SEMA5A: variants seen among roughly 807,000 people sequenced by gnomAD.
SEMA5A encodes semaphorin 5A.
A neutral mutation model predicts 135.5 loss-of-function variants in SEMA5A; 55 were observed. The ratio of observed to expected loss-of-function variants is 0.41; its 90% CI spans 0.33 to 0.51. SEMA5A has a LOEUF of 0.51. Among genes scored for constraint, SEMA5A ranks in the 20% least tolerant of loss-of-function variants. The pLI is 0.37. For missense variants in SEMA5A, 1,290 were observed against 1,419.9 expected (o/e 0.91, Z 1.47); for synonymous variants, 580 against 546.5 (o/e 1.06, Z -0.85).
intron 5 of SEMA5A, among the ~76,000 whole-genome samples, chr5:9,275,051 A>G (rs1052090849): frequency 3.9e-5 from 6 of 152,148 alleles, no homozygotes; most frequent in African/African-American, 1.4e-4. Context: ...GAGCTGGTTT[A>G]TTGAAAAGAT....
chr5:9,318,343 AAAGC>A, intron 5 of SEMA5A, 25 bp downstream of exon 5: 1 of 1,601,382 alleles, frequency 6.2e-7, no homozygotes, highest in Non-Finnish European at 8.5e-7. Context: ...ATGGAAAATG[AAAGC>A]TTGAGAAAAA....
intron 2 of SEMA5A, among the ~76,000 whole-genome samples, chr5:9,404,183 C>A (rs942528754): frequency 3.3e-5 from 5 of 152,196 alleles, no homozygotes; most frequent in Non-Finnish European, 5.9e-5. Context: ...ATCTGCCTAC[C>A]TCAGCCTCTC....
intron 3 of SEMA5A, among the ~76,000 whole-genome samples, chr5:9,346,197 T>C (rs1281252672): frequency 6.6e-6 from 1 of 152,140 alleles, no homozygotes; most frequent in Non-Finnish European, 1.5e-5. Context: ...TGGCTTGACT[T>C]CAGAGGGACA....
chr5:9,077,549 T>A (rs1738134859), intron 16 of SEMA5A, among the ~76,000 whole-genome samples: 1 of 152,228 alleles, frequency 6.6e-6, no homozygotes, highest in Non-Finnish European at 1.5e-5. Context: ...AGTAACTGAA[T>A]TTCTGCAGGT....
At chr5:9,298,897 A>G (rs1751467564) in intron 5 of SEMA5A, among the ~76,000 whole-genome samples, 1 of 152,206 alleles carries the variant, frequency 6.6e-6, no homozygotes, top group Admixed American at 6.5e-5. Flanking sequence ...TTCAGTAATG[A>G]ACTCTCACAG....
At chr5:9,095,923 C>A (rs1739287980) in intron 16 of SEMA5A, among the ~76,000 whole-genome samples, 1 of 152,158 alleles carries the variant, frequency 6.6e-6, no homozygotes, top group Non-Finnish European at 1.5e-5. Flanking sequence ...GTTCATTGAA[C>A]ATTGGTATTA....
chr5:9,416,879 C>T (rs1374950916), intron 2 of SEMA5A, among the ~76,000 whole-genome samples: 3 of 152,068 alleles, frequency 2.0e-5, no homozygotes, highest in South Asian at 2.1e-4. Context: ...AGGGATTATC[C>T]GGTGCAAATT....
intron 5 of SEMA5A, among the ~76,000 whole-genome samples, chr5:9,302,570 G>T (rs1183571925): frequency 1.3e-5 from 2 of 152,124 alleles, no homozygotes; most frequent in African/African-American, 4.8e-5. Context: ...CATGAACCTG[G>T]ATAATTCACA....
chr5:9,533,187 T>C (rs1737554519), intron 1 of SEMA5A, among the ~76,000 whole-genome samples: 1 of 152,232 alleles, frequency 6.6e-6, no homozygotes, highest in African/African-American at 2.4e-5. Flanking sequence ...TTTTGGATCA[T>C]TGGAAATATT....
chr5:9,097,839 G>A (rs1374532590), intron 16 of SEMA5A, among the ~76,000 whole-genome samples: 1 of 152,190 alleles, frequency 6.6e-6, no homozygotes, highest in Non-Finnish European at 1.5e-5. Context: ...GAATACAAGA[G>A]CCCAGCCTTG....
At chr5:9,438,505 C>T (rs1006698034) in intron 1 of SEMA5A, among the ~76,000 whole-genome samples, 1 of 152,098 alleles carries the variant, frequency 6.6e-6, no homozygotes, top group Non-Finnish European at 1.5e-5. Context: ...GAAAGATGAC[C>T]ACGAAACGCC....
intron 16 of SEMA5A, among the ~76,000 whole-genome samples, chr5:9,092,831 C>T (rs1414678790): frequency 1.3e-5 from 2 of 152,108 alleles, no homozygotes; most frequent in East Asian, 1.9e-4. Context: ...TCCCAAATTG[C>T]CATTACCTTT....
At chr5:9,336,939 C>T (rs1340589683) in intron 4 of SEMA5A, among the ~76,000 whole-genome samples, 2 of 152,184 alleles carry the variant, frequency 1.3e-5, no homozygotes, top group Non-Finnish European at 2.9e-5. Flanking sequence ...CAAATGGACC[C>T]TTTCTTAAAC....
At chr5:9,316,812 C>G (rs1478033636) in intron 5 of SEMA5A, among the ~76,000 whole-genome samples, 1 of 152,126 alleles carries the variant, frequency 6.6e-6, no homozygotes, top group Non-Finnish European at 1.5e-5. Context: ...GTTGAGAACA[C>G]TTGAAATCTA....
At position 9,041,130 on chromosome 5, in the gene SEMA5A, C is replaced by T. The variant is rs1735944400; in HGVS notation, c.*1767G>A. The T allele has an allele frequency of 6.6e-6, 1 of 152,210 alleles. No homozygotes were observed. Among genetic ancestry groups the T allele is most frequent in the Non-Finnish European group, 1.5e-5 (1 of 68,044 alleles). The allele number at this position is 152,210 out of a possible 1,614,324, so 9.4% of individuals were successfully genotyped here. Reference sequence around the variant, plus strand: ...AACTTACAGAGCCCACCTGCCATTTCAATACTGTGTCATCTCTGTAAATCT... The same window carrying T: ...AACTTACAGAGCCCACCTGCCATTTTAATACTGTGTCATCTCTGTAAATCT... On this transcript the variant is annotated 3_prime_UTR_variant, in exon 23 of 23. Transcript: ENST00000382496.
chr5:9,111,510 A>G (rs1285414742), intron 15 of SEMA5A, among the ~76,000 whole-genome samples: 1 of 152,230 alleles, frequency 6.6e-6, no homozygotes, highest in Admixed American at 6.5e-5. Context: ...TAACCCGTGC[A>G]TGGAACTTTC....
At chr5:9,231,254 G>A (rs1220967177) in intron 6 of SEMA5A, among the ~76,000 whole-genome samples, 1 of 151,988 alleles carries the variant, frequency 6.6e-6, no homozygotes, top group African/African-American at 2.4e-5. Flanking sequence ...ATCACCTGAG[G>A]TCAGGAGTTC....
chr5:9,305,156 C>G (rs1398230920), intron 5 of SEMA5A, among the ~76,000 whole-genome samples: 1 of 152,064 alleles, frequency 6.6e-6, no homozygotes, highest in East Asian at 1.9e-4. Context: ...TTTCCTGGGC[C>G]TAGTGTGTTA....
chr5:9,385,893 C>T (rs570214753), intron 2 of SEMA5A, among the ~76,000 whole-genome samples: 1 of 150,528 alleles, frequency 6.6e-6, no homozygotes, highest in African/African-American at 2.4e-5. Context: ...CCTCTGCCTC[C>T]CGGGTTCAAG....
Sources: gnomAD v4.1 joint callset for allele counts (sites outside exome capture counted in the v4.1 genomes callset) on GRCh38, gnomAD v4.1.1 for gene constraint, MANE v1.5 for transcripts, NCBI Gene and HGNC (gene_info 2026-07-23, HGNC 2026-07-21) for gene names.